BBX: variants seen among roughly 807,000 people sequenced by gnomAD.
BBX encodes the protein HMG box transcription factor BBX.
A neutral mutation model predicts 100.2 loss-of-function variants in BBX; 30 were observed. The observed-to-expected ratio is 0.30, with a 90% confidence interval of 0.22 to 0.41. BBX has a LOEUF of 0.41. BBX is among the 10% of genes least tolerant of loss of function. The pLI is 1.00. For synonymous variants in BBX, 376 were observed against 388.1 expected (o/e 0.97, Z 0.37); for missense variants, 1,023 against 1,129.8 (o/e 0.91, Z 1.35).
At chr3:107,590,060 A>G (rs1248545524) in intron 2 of BBX, among the ~76,000 whole-genome samples, 3 of 152,154 alleles carry the variant, frequency 2.0e-5, no homozygotes, top group African/African-American at 7.2e-5. Context: ...TACAGTTTCA[A>G]ATATGAACTA....
chr3:107,796,018 C>A (rs948350021), intron 15 of BBX, among the ~76,000 whole-genome samples: 1 of 152,076 alleles, frequency 6.6e-6, no homozygotes, highest in Admixed American at 6.5e-5. Flanking sequence ...TGTTGTTGCC[C>A]CTGGCCAGAT....
At chr3:107,797,597 A>G (rs905284556) in intron 15 of BBX, among the ~76,000 whole-genome samples, 6 of 151,990 alleles carry the variant, frequency 3.9e-5, no homozygotes, top group African/African-American at 1.2e-4. Context: ...ATAAAACTCA[A>G]CTATGGTATA....
intron 2 of BBX, among the ~76,000 whole-genome samples, chr3:107,535,519 G>T (rs1207814761): frequency 6.6e-6 from 1 of 151,058 alleles, no homozygotes; most frequent in East Asian, 1.9e-4. Context: ...TGGTATATCA[G>T]TAGAAATTAT....
intron 2 of BBX, among the ~76,000 whole-genome samples, chr3:107,531,897 G>A (rs2048185426): frequency 1.3e-5 from 2 of 152,170 alleles, no homozygotes; most frequent in South Asian, 4.1e-4. Context: ...ATGTCTTAGA[G>A]TATCAGTTCT....
chr3:107,769,275 T>C (rs1003047968), intron 10 of BBX, among the ~76,000 whole-genome samples: 5 of 152,094 alleles, frequency 3.3e-5, no homozygotes, highest in African/African-American at 1.2e-4. Flanking sequence ...AGAAAAAATT[T>C]TGAAGTATCC....
At chr3:107,632,598 G>C (rs547762174) in intron 2 of BBX, among the ~76,000 whole-genome samples, 1 of 152,130 alleles carries the variant, frequency 6.6e-6, no homozygotes, top group Non-Finnish European at 1.5e-5. Context: ...TACAAAAAGA[G>C]CTCACCTGTT....
At chr3:107,582,895 G>T (rs907660692) in intron 2 of BBX, among the ~76,000 whole-genome samples, 1 of 151,876 alleles carries the variant, frequency 6.6e-6, no homozygotes, top group Non-Finnish European at 1.5e-5. Context: ...CTAATAGAAA[G>T]GTGTAGGTAT....
At chr3:107,642,536 G>C (rs1335089124) in intron 2 of BBX, among the ~76,000 whole-genome samples, 2 of 152,152 alleles carry the variant, frequency 1.3e-5, no homozygotes, top group African/African-American at 4.8e-5. Context: ...ATACTTGCTT[G>C]GGGTCTCAGA....
At chr3:107,635,253 T>C (rs949608229) in intron 2 of BBX, among the ~76,000 whole-genome samples, 5 of 152,210 alleles carry the variant, frequency 3.3e-5, no homozygotes, top group African/African-American at 9.6e-5. Context: ...TCTGGAGGCA[T>C]GTATGGTAAC....
intron 2 of BBX, among the ~76,000 whole-genome samples, chr3:107,531,346 T>C (rs2107307244): frequency 6.6e-6 from 1 of 152,348 alleles, no homozygotes; most frequent in Admixed American, 6.5e-5. Flanking sequence ...TATTGCTTAT[T>C]AGTTGCGGGA....
intron 10 of BBX, among the ~76,000 whole-genome samples, chr3:107,772,006 A>G (rs904548945): frequency 3.3e-5 from 5 of 152,168 alleles, no homozygotes; most frequent in Admixed American, 6.5e-5. Context: ...AGAAGCTCAA[A>G]GGAAATGCTC....
chr3:107,606,551 T>C (rs1032025269), intron 2 of BBX, among the ~76,000 whole-genome samples: 8 of 152,226 alleles, frequency 5.3e-5, no homozygotes, highest in Non-Finnish European at 8.8e-5. Flanking sequence ...TACCCCAGTA[T>C]TTCCAAATGT....
At chr3:107,792,222 A>G (rs1382427593) in intron 15 of BBX, among the ~76,000 whole-genome samples, 1 of 152,164 alleles carries the variant, frequency 6.6e-6, no homozygotes. Flanking sequence ...TTTTCATTGC[A>G]GATATTTTAA....
intron 10 of BBX, among the ~76,000 whole-genome samples, chr3:107,768,663 A>T (rs1384774745): frequency 3.3e-5 from 5 of 152,084 alleles, no homozygotes; most frequent in Non-Finnish European, 5.9e-5. Context: ...AATAGAAGAG[A>T]TCAAGTTTAC....
At chr3:107,544,513 A>G (rs1253653230) in intron 2 of BBX, among the ~76,000 whole-genome samples, 3 of 152,190 alleles carry the variant, frequency 2.0e-5, no homozygotes, top group African/African-American at 2.4e-5. Flanking sequence ...AAACCTGTAC[A>G]TATTATATAT....
At chr3:107,648,396 T>A (rs184287524) in intron 3 of BBX, among the ~76,000 whole-genome samples, 19 of 152,284 alleles carry the variant, frequency 1.2e-4, no homozygotes, top group Admixed American at 1.2e-3. Context: ...CCTCTGTAAT[T>A]TGCATACAGA....
At chr3:107,528,528 A>T (rs913212409) in intron 2 of BBX, among the ~76,000 whole-genome samples, 1 of 152,224 alleles carries the variant, frequency 6.6e-6, no homozygotes, top group Non-Finnish European at 1.5e-5. Flanking sequence ...TGTTCAAGGT[A>T]TATGAGTTTT....
chr3:107,547,415 C>T (rs892068754), intron 2 of BBX, among the ~76,000 whole-genome samples: 6 of 152,022 alleles, frequency 3.9e-5, no homozygotes, highest in Non-Finnish European at 7.4e-5. Context: ...AGTTCAATAC[C>T]TACTAAGTAA....
intron 2 of BBX, among the ~76,000 whole-genome samples, chr3:107,559,918 A>AT (rs1180698205): frequency 6.6e-6 from 1 of 151,936 alleles, no homozygotes; most frequent in Non-Finnish European, 1.5e-5. Context: ...TTATGTTTGT[A>AT]TTTTTTGTAG....
Sources: allele counts gnomAD v4.1 joint callset (sites outside exome capture counted in the v4.1 genomes callset), GRCh38; gene constraint gnomAD v4.1.1; transcripts MANE v1.5; gene names NCBI Gene and HGNC (gene_info 2026-07-23, HGNC 2026-07-21).